COL8A1: variants seen among roughly 807,000 people sequenced by gnomAD.
The protein encoded by COL8A1 is collagen alpha-1(VIII) chain.
A neutral mutation model predicts 42.7 loss-of-function variants in COL8A1; 21 were observed. That is an observed-to-expected ratio of 0.49 (90% CI 0.35 to 0.71). COL8A1 has a LOEUF of 0.71. Among genes scored for constraint, COL8A1 ranks in the 30% least tolerant of loss-of-function variants. The pLI is 0.01. For synonymous variants in COL8A1, 367 were observed against 369.1 expected (o/e 0.99, Z 0.06); for missense variants, 788 against 962.4 (o/e 0.82, Z 2.40).
chr3:99,743,981 T>G (rs1249785543), intron 1 of COL8A1, among the ~76,000 whole-genome samples: 2 of 150,946 alleles, frequency 1.3e-5, no homozygotes, highest in African/African-American at 4.9e-5. Context: ...CAGGCTGGAG[T>G]GCAGTGGCGC....
chr3:99,718,050 A>G (rs1940050950), intron 1 of COL8A1, among the ~76,000 whole-genome samples: 1 of 151,834 alleles, frequency 6.6e-6, no homozygotes. Context: ...TGTTTATCCA[A>G]TTCCCATTCA....
At position 99,796,831 on chromosome 3, in the gene COL8A1, A is replaced by G. The variant is rs1024802785; in HGVS notation, c.*695A>G. 1 of 152,238 alleles carries G rather than the reference A, an allele frequency of 6.6e-6. No homozygotes were observed. Among genetic ancestry groups the G allele is most frequent in the African/African-American group, 2.4e-5 (1 of 41,472 alleles). The allele number at this position is 152,238 out of a possible 1,614,324, so 9.4% of individuals were successfully genotyped here. A position where few individuals can be genotyped will look rare whatever the true frequency, so the allele number is the denominator to read the frequency against. ...ATTCAGTGCCTTCTCTGTACCAAGC[A>G]CTGGGTAAGGCACTTTTGTGGAGCA... On this transcript the variant is annotated 3_prime_UTR_variant, in exon 4 of 4. Transcript: ENST00000652472.
Position 99,795,477 on chromosome 3 carries a change from C to A in COL8A1, c.1576C>A (p.Pro526Thr), listed in dbSNP as rs751705625. The A allele has an allele frequency of 7.8e-6, 12 of 1,542,806 alleles. No homozygotes were observed. The highest frequency in any genetic ancestry group is 2.0e-5 in the Admixed American group (1 of 49,436). The part of the protein sequence containing the change: ...GPKGEPGLPG[P>T]PGFPGIGKPG... ...CAAAGGGGAGCCGGGCCTCCCAGGG[C>A]CCCCTGGGTTCCCTGGTATAGGGAA... is the stretch of plus-strand genomic sequence containing the variant. Residue 526 changes from proline to threonine, a missense_variant, in exon 4 of 4, where the codon CCC becomes ACC. Pro to Thr is a conservative substitution (Grantham distance 38). Transcript: ENST00000652472.
rs577870574 is a variant in COL8A1 at position 99,725,375 on chromosome 3, GT to G, written c.-128-19518del. Among the ~76,000 whole-genome samples, 15 of 151,576 alleles carry G rather than the reference GT, an allele frequency of 9.9e-5. 1 individual carries two copies. In the South Asian group the frequency reaches 2.3e-3, roughly 23 times the overall value. On this transcript the variant is annotated intron_variant, in intron 1 of 3. Coordinates refer to ENST00000652472, the MANE Select transcript of COL8A1 (RefSeq NM_020351.4). ...TGAAAGAAGCAGCACATCATAAAGT[GT>G]TTTGGCACAGAGCTCATTCTACCTG...
chr3:99,694,309 C>G (rs1237161841), intron 1 of COL8A1, among the ~76,000 whole-genome samples: 1 of 151,974 alleles, frequency 6.6e-6, no homozygotes, highest in African/African-American at 2.4e-5. Context: ...ATGATGAAAC[C>G]CCATCTCTAC....
chr3:99,751,853 C>A (rs1004748221), intron 2 of COL8A1, among the ~76,000 whole-genome samples: 3 of 152,106 alleles, frequency 2.0e-5, no homozygotes, highest in Non-Finnish European at 4.4e-5. Context: ...AGCTTCCTTT[C>A]TTTAGTGAGT....
intron 1 of COL8A1, among the ~76,000 whole-genome samples, chr3:99,735,135 C>A (rs921296736): frequency 1.4e-5 from 2 of 142,454 alleles, no homozygotes; most frequent in Non-Finnish European, 3.0e-5. Context: ...AATTGAATAC[C>A]CTTTATTTCC....
At chr3:99,655,516 C>G (rs1028335510) in intron 1 of COL8A1, among the ~76,000 whole-genome samples, 22 of 152,222 alleles carry the variant, frequency 1.4e-4, no homozygotes, top group African/African-American at 5.3e-4. Context: ...CAGAGGCACA[C>G]AGCATTCAGT....
intron 1 of COL8A1, among the ~76,000 whole-genome samples, chr3:99,664,903 G>T (rs886790569): frequency 1.3e-5 from 2 of 152,132 alleles, no homozygotes; most frequent in Non-Finnish European, 2.9e-5. Flanking sequence ...GGAGGAGTGC[G>T]CCTCTCCACT....
intron 1 of COL8A1, among the ~76,000 whole-genome samples, chr3:99,734,691 G>A (rs1042091979): frequency 3.3e-5 from 5 of 151,762 alleles, no homozygotes; most frequent in African/African-American, 7.3e-5. Context: ...GTGAAGAAAG[G>A]CATTGGTAGC....
intron 1 of COL8A1, among the ~76,000 whole-genome samples, chr3:99,638,899 A>G (rs1359179735): frequency 1.3e-5 from 2 of 152,210 alleles, no homozygotes; most frequent in Non-Finnish European, 2.9e-5. Flanking sequence ...CTCTTTTTAA[A>G]TCACTTTTTC....
intron 1 of COL8A1, among the ~76,000 whole-genome samples, chr3:99,727,449 T>C (rs1367237649): frequency 2.0e-5 from 3 of 152,056 alleles, no homozygotes; most frequent in East Asian, 1.9e-4. Flanking sequence ...TCCAACAGTA[T>C]GTTGAATAGG....
intron 2 of COL8A1, among the ~76,000 whole-genome samples, chr3:99,748,429 T>C (rs1368333259): frequency 6.6e-6 from 1 of 152,214 alleles, no homozygotes; most frequent in African/African-American, 2.4e-5. Context: ...ACTTTATATA[T>C]TGATTGCATG....
chr3:99,773,837 A>ATATATTATATATATATATATATATAT (rs1200212756), intron 2 of COL8A1, among the ~76,000 whole-genome samples: 1 of 45,394 alleles, frequency 2.2e-5, no homozygotes, highest in African/African-American at 1.3e-4. Flanking sequence ...ATATATATAT[A>ATATATTATATATATATATATATATAT]TTTTTTTTTT....
chr3:99,757,939 T>C (rs1941286777), intron 2 of COL8A1, among the ~76,000 whole-genome samples: 1 of 152,188 alleles, frequency 6.6e-6, no homozygotes, highest in African/African-American at 2.4e-5. Flanking sequence ...TTTTAAAATT[T>C]GTATAAGTTA....
chr3:99,791,088 A>C (rs1941992371), intron 3 of COL8A1, 78 bp downstream of exon 3: 4 of 1,297,374 alleles, frequency 3.1e-6, no homozygotes, highest in Non-Finnish European at 4.2e-6. Context: ...GGGGAAGATA[A>C]ATTTTAGAAG....
At chr3:99,671,871 G>A (rs1938556451) in intron 1 of COL8A1, among the ~76,000 whole-genome samples, 1 of 151,934 alleles carries the variant, frequency 6.6e-6, no homozygotes, top group Non-Finnish European at 1.5e-5. Context: ...GCACCCCCAT[G>A]TTCATTACAG....
rs1249424458 is a variant in COL8A1 at position 99,794,484 on chromosome 3, C to T, written c.583C>T (p.Pro195Ser). The T allele has an allele frequency of 1.2e-5, 20 of 1,613,914 alleles. No individual in the cohort carries two copies. In the South Asian group the frequency reaches 2.0e-4, roughly 16 times the overall value. ...GEIGPMGIPG[P>S]QGPPGPHGLP... ...AATTGGGCCTATGGGGATCCCAGGA[C>T]CACAAGGACCTCCAGGGCCTCATGG... Residue 195 changes from proline to serine, a missense_variant, in exon 4 of 4, where the codon CCA becomes TCA. By Grantham distance (74) the Pro-to-Ser change is moderately conservative. Around this residue, in one of 4 missense-constraint regions of COL8A1, gnomAD observed 421 missense variants for 553.1 expected, o/e 0.76. Transcript: ENST00000652472. The surrounding 1 kb of genome is among the most constrained non-coding windows in gnomAD (Gnocchi z 4.3).
Position 99,794,763 on chromosome 3 carries a change from A to G in COL8A1, c.862A>G (p.Lys288Glu), listed in dbSNP as rs201202528. ...CCCTGGGCCCCAGGGCCCCCTGGGA[A>G]AGCCAGGGGCTCCAGGAGAACCTGG... The part of the protein sequence containing the change: ...GFPGPQGPLG[K>E]PGAPGEPGPQ... The change falls in exon 4 of 4, where the codon AAG becomes GAG. Residue 288 changes from lysine (K) to glutamate (E), a missense_variant. Lys to Glu is a moderately conservative substitution (Grantham distance 56). Around this residue, in one of 4 missense-constraint regions of COL8A1, gnomAD observed 421 missense variants for 553.1 expected, o/e 0.76. Coordinates refer to ENST00000652472, the MANE Select transcript of COL8A1 (RefSeq NM_020351.4). The surrounding 1 kb of genome is among the most constrained non-coding windows in gnomAD (Gnocchi z 4.3). The G allele has an allele frequency of 1.3e-6, 2 of 1,596,650 alleles. No individual in the cohort carries two copies. The highest frequency in any genetic ancestry group is 4.5e-5 in the East Asian group (2 of 44,684).
Sources: allele counts gnomAD v4.1 joint callset (sites outside exome capture counted in the v4.1 genomes callset), GRCh38; gene constraint gnomAD v4.1.1; regional missense constraint gnomAD v4.1.1; non-coding constraint Gnocchi (gnomAD v3.1); transcripts MANE v1.5; gene names NCBI Gene and HGNC (gene_info 2026-07-23, HGNC 2026-07-21).